SMC5: variants seen among roughly 807,000 people sequenced by gnomAD.
The protein encoded by SMC5 is structural maintenance of chromosomes protein 5.
A neutral mutation model predicts 148.3 loss-of-function variants in SMC5; 88 were observed. The observed-to-expected ratio is 0.59, with a 90% CI of 0.50 to 0.71. The LOEUF (loss-of-function observed/expected upper bound fraction) is 0.71, where lower values mean the gene tolerates loss of function less well. Among genes scored for constraint, SMC5 ranks in the 30% least tolerant of loss-of-function variants. The pLI is 0.00. For synonymous variants in SMC5, 421 were observed against 432.8 expected (o/e 0.97, Z 0.34); for missense variants, 1,142 against 1,298.9 (o/e 0.88, Z 1.86).
chr9:70,317,016 A>C (rs999225097), intron 13 of SMC5, among the ~76,000 whole-genome samples: 2 of 152,248 alleles, frequency 1.3e-5, no homozygotes, highest in African/African-American at 4.8e-5. Flanking sequence ...TCTATGTTGT[A>C]TATAAATAAT....
rs779626475 is a variant in SMC5 at position 70,318,674 on chromosome 9, A to G, written c.1967A>G (p.Glu656Gly). ...TVDLEQRRHLEEQLKEIHRKL... is the reference protein window; with the variant it reads ...TVDLEQRRHLGEQLKEIHRKL... ...GACCTAGAGCAGAGAAGACACTTAG[A>G]AGAACAGCTAAAGGTTGGTTAATTT... Residue 656 changes from glutamate to glycine, a missense_variant, in exon 14 of 25, where the codon GAA becomes GGA. Transcript: ENST00000361138. 6 of 1,599,930 alleles carry G rather than the reference A, an allele frequency of 3.8e-6. No homozygotes were observed. The highest frequency in any genetic ancestry group is 1.1e-5 in the South Asian group (1 of 87,320).
intron 8 of SMC5, among the ~76,000 whole-genome samples, chr9:70,292,521 A>G (rs1306547095): frequency 3.3e-5 from 5 of 152,162 alleles, no homozygotes; most frequent in African/African-American, 9.7e-5. Context: ...TGCATTGGCT[A>G]CAACTTCAGC....
At chr9:70,263,016 C>T (rs761708942) in intron 1 of SMC5, among the ~76,000 whole-genome samples, 6 of 151,752 alleles carry the variant, frequency 4.0e-5, no homozygotes, top group African/African-American at 1.2e-4. Context: ...TTTGTAATAT[C>T]GATGCGTATT....
At chr9:70,327,136 A>G (rs1242434343) in intron 17 of SMC5, among the ~76,000 whole-genome samples, 1 of 152,226 alleles carries the variant, frequency 6.6e-6, no homozygotes, top group Non-Finnish European at 1.5e-5. Context: ...AAAGACCTAG[A>G]TTATGACTTC....
At position 70,323,477 on chromosome 9, in the gene SMC5, A is replaced by T. The variant is rs778600146; in HGVS notation, c.2151-6A>T. 4 of 1,602,590 alleles carry T rather than the reference A, an allele frequency of 2.5e-6. No homozygotes were observed. Among genetic ancestry groups the T allele is most frequent in the Non-Finnish European group, 2.5e-6 (3 of 1,177,098 alleles). ...TGATTTCTTCATTATTATATGTGTC[A>T]TACAGTTTAAAGCTGATGGAACAGG... On this transcript the variant is annotated splice_polypyrimidine_tract_variant and splice_region_variant and intron_variant, in intron 15 of 24. Coordinates refer to ENST00000361138, the MANE Select transcript of SMC5 (RefSeq NM_015110.4).
intron 3 of SMC5, among the ~76,000 whole-genome samples, chr9:70,270,386 G>A (rs1419892720): frequency 2.0e-5 from 3 of 152,144 alleles, no homozygotes; most frequent in Non-Finnish European, 4.4e-5. Context: ...CCATGGTTCA[G>A]GGAATTTTAT....
intron 11 of SMC5, among the ~76,000 whole-genome samples, chr9:70,313,480 TG>T (rs1453618270): frequency 2.0e-5 from 3 of 152,110 alleles, no homozygotes; most frequent in Non-Finnish European, 4.4e-5. Flanking sequence ...GCTTAGTAGT[TG>T]TTTTTTTTGT....
At chr9:70,267,794 G>T in intron 2 of SMC5, 129 bp from the exon 3 acceptor site, 1 of 684,934 alleles carries the variant, frequency 1.5e-6, no homozygotes, top group Non-Finnish European at 2.5e-6. Flanking sequence ...CTTAGAAAGT[G>T]ACAGGAGCGA....
At chr9:70,283,153 A>G (rs1218586829) in intron 7 of SMC5, among the ~76,000 whole-genome samples, 1 of 152,186 alleles carries the variant, frequency 6.6e-6, no homozygotes, top group Non-Finnish European at 1.5e-5. Context: ...AAGTCAAGGT[A>G]TTGACCCCTA....
intron 17 of SMC5, among the ~76,000 whole-genome samples, chr9:70,339,986 C>CGTT (rs76354199): frequency 0.11 from 17,404 of 152,034 alleles, 1,053 homozygotes; most frequent in African/African-American, 0.15. Context: ...GGTTTCCTAA[C>CGTT]CACTCCAAGC....
At chr9:70,300,249 A>G (rs1317098039) in intron 10 of SMC5, 49 bp downstream of exon 10, 1 of 1,537,446 alleles carries the variant, frequency 6.5e-7, no homozygotes, top group Non-Finnish European at 8.7e-7. Context: ...TATTGTAATC[A>G]TAGATTTTTG....
intron 24 of SMC5, 72 bp downstream of exon 24, chr9:70,350,543 C>A: frequency 2.0e-6 from 2 of 1,002,390 alleles, no homozygotes; most frequent in South Asian, 1.7e-5. Flanking sequence ...CAGTTTTTGT[C>A]CCAACATGCA....
rs1053075741 is a variant in SMC5, at chr9:70,350,022, A to G, written c.2890-92A>G. On this transcript the variant is annotated intron_variant, in intron 22 of 24. Transcript: ENST00000361138. ...AGTGTCACTAAATTTTGAGTTCTTTACTCTTACTCAGTTAATTCAATCCAT... is the reference window on the plus strand; with the variant it reads ...AGTGTCACTAAATTTTGAGTTCTTTGCTCTTACTCAGTTAATTCAATCCAT... 1.1e-5 allele frequency: 9 copies of G among 813,162 alleles called. No homozygotes were observed. The African/African-American group carries it at 1.2e-4, about 11-fold the overall frequency. 50.4% of individuals were successfully genotyped at this position (813,162 alleles called of 1,614,324 possible). A position where few individuals can be genotyped will look rare whatever the true frequency, so the allele number is the denominator to read the frequency against.
intron 8 of SMC5, among the ~76,000 whole-genome samples, chr9:70,289,375 A>G (rs1046281712): frequency 2.0e-5 from 3 of 152,054 alleles, no homozygotes. Context: ...ATCTCCTTCT[A>G]TGAGTATAGG....
In SMC5 at chr9:70,309,318, C is replaced by CTTTTTTTTTTTTTTT. The variant is rs59694037; in HGVS notation, c.1578+3975_1578+3989dup. 4.5e-4 allele frequency among the ~76,000 whole-genome samples: 36 copies of CTTTTTTTTTTTTTTT among 79,154 alleles called. 4 individuals are homozygous for CTTTTTTTTTTTTTTT. The highest frequency in any genetic ancestry group is 8.8e-4 in the Admixed American group (4 of 4,528). The allele number at this position is 79,154 out of a possible 152,430, so 51.9% of individuals were successfully genotyped here. ...ATAGCAGAATTTCTTTTTCCTTTTC[C>CTTTTTTTTTTTTTTT]TTTTTTTTTTTTTTTTTTTTTTTTT... On this transcript the variant is annotated intron_variant, in intron 11 of 24. Coordinates refer to ENST00000361138, the MANE Select transcript of SMC5 (RefSeq NM_015110.4).
chr9:70,262,091 G>A (rs996239735), intron 1 of SMC5, among the ~76,000 whole-genome samples: 7 of 152,158 alleles, frequency 4.6e-5, no homozygotes, highest in Non-Finnish European at 1.0e-4. Flanking sequence ...AGAGAAAGAT[G>A]CGCTTAGAGA....
rs575093487 is a variant in SMC5 at position 70,308,015 on chromosome 9, C to T, written c.1578+2655C>T. ...CAAAAATCCTATTTTCTTTTAGACACCGAGCTCTGGATACTAGGTGTGTTC... is the reference window on the plus strand; with the variant it reads ...CAAAAATCCTATTTTCTTTTAGACATCGAGCTCTGGATACTAGGTGTGTTC... On this transcript the variant is annotated intron_variant, in intron 11 of 24. Transcript: ENST00000361138. Among the ~76,000 whole-genome samples, 32 of 152,216 alleles carry T rather than the reference C, an allele frequency of 2.1e-4. No homozygotes were observed. The South Asian group carries it at 5.2e-3, about 25-fold the overall frequency.
At chr9:70,285,895 C>A (rs879749663) in intron 7 of SMC5, among the ~76,000 whole-genome samples, 1 of 152,024 alleles carries the variant, frequency 6.6e-6, no homozygotes, top group African/African-American at 2.4e-5. Context: ...TTGAGCCCTA[C>A]CAGTCAGTAA....
intron 8 of SMC5, among the ~76,000 whole-genome samples, chr9:70,294,457 A>G (rs1162569751): frequency 6.6e-6 from 1 of 152,156 alleles, no homozygotes; most frequent in African/African-American, 2.4e-5. Context: ...GTGACATAAG[A>G]AGAAAGGTCA....
Sources: gnomAD v4.1 joint callset for allele counts (sites outside exome capture counted in the v4.1 genomes callset) on GRCh38, gnomAD v4.1.1 for gene constraint, MANE v1.5 for transcripts, NCBI Gene and HGNC (gene_info 2026-07-23, HGNC 2026-07-21) for gene names.